The following GRIN2A variants were observed in gnomAD, a reference collection of about 807,000 sequenced individuals.
GRIN2A encodes the protein glutamate receptor ionotropic, NMDA 2A.
GRIN2A carries 22 observed loss-of-function variants against 113.4 expected under a neutral mutation model. The ratio of observed to expected loss-of-function variants is 0.19; its 90% CI spans 0.14 to 0.28. The LOEUF is 0.28. GRIN2A is among the 10% of genes least tolerant of loss of function. The probability of loss-of-function intolerance (pLI) is 1.00; values close to 1 mark genes in which losing one functional copy is unlikely to be tolerated. For missense variants in GRIN2A, 1,502 were observed against 1,887.0 expected (o/e 0.80, Z 3.78); for synonymous variants, 827 against 738.4 (o/e 1.12, Z -1.94).
chr16:9,942,334 T>C (rs1245688459), intron 2 of GRIN2A, among the ~76,000 whole-genome samples: 1 of 152,040 alleles, frequency 6.6e-6, no homozygotes, highest in East Asian at 1.9e-4. Context: ...AGCTCTAGGG[T>C]CTATTGAACC....
intron 2 of GRIN2A, among the ~76,000 whole-genome samples, chr16:10,040,282 C>T (rs2047137584): frequency 7.6e-6 from 1 of 131,728 alleles, no homozygotes; most frequent in Non-Finnish European, 1.6e-5. Context: ...TACATAAACA[C>T]ATCCACGTCA....
intron 2 of GRIN2A, among the ~76,000 whole-genome samples, chr16:10,125,141 T>C (rs1423374334): frequency 2.6e-5 from 4 of 152,210 alleles, no homozygotes; most frequent in Non-Finnish European, 5.9e-5. Context: ...TAAATCTGTC[T>C]TACAAAACCA....
intron 2 of GRIN2A, among the ~76,000 whole-genome samples, chr16:9,994,053 T>A (rs1356467377): frequency 6.6e-6 from 1 of 152,202 alleles, no homozygotes; most frequent in African/African-American, 2.4e-5. Flanking sequence ...AAGAAATCCA[T>A]CACATGGAAT....
intron 10 of GRIN2A, among the ~76,000 whole-genome samples, chr16:9,815,108 T>C (rs2042161163): frequency 6.6e-6 from 1 of 152,122 alleles, no homozygotes; most frequent in African/African-American, 2.4e-5. Context: ...TGCTCATTTG[T>C]TTTTCAATGC....
chr16:10,024,959 T>TA (rs1309290737), intron 2 of GRIN2A, among the ~76,000 whole-genome samples: 2 of 151,894 alleles, frequency 1.3e-5, no homozygotes, highest in Non-Finnish European at 2.9e-5. Flanking sequence ...ATGAATTTTT[T>TA]AAAAAAAGCA....
chr16:9,982,006 TG>T (rs1288098392), intron 2 of GRIN2A, among the ~76,000 whole-genome samples: 1 of 152,188 alleles, frequency 6.6e-6, no homozygotes. Context: ...CAGGCAGGTC[TG>T]GAACTCCTGG....
rs2141126923 is a variant in GRIN2A, at chr16:9,763,473, G to C, written c.4071C>G (p.Leu1357=). The change falls in exon 13 of 13, where the codon CTC becomes CTG. Residue 1357 remains leucine, a synonymous_variant. Transcript: ENST00000330684. ...GLEDSKRSKS[L]LPDHTSDNPF... The stretch of plus-strand genomic sequence containing the variant: ...GGTTATCGGAGGTGTGGTCTGGCAA[G>C]AGAGACTTGCTCCTCTTGCTGTCCT... 6.2e-7 allele frequency: 1 copy of C among 1,614,070 alleles called. No individual in the cohort carries two copies. The highest frequency in any genetic ancestry group is 8.5e-7 in the Non-Finnish European group (1 of 1,179,962).
chr16:9,938,541 G>C lies in GRIN2A; in HGVS notation c.425C>G (p.Ser142Cys), dbSNP rs2141633176. The change falls in exon 3 of 13, where the codon TCT becomes TGT. Residue 142 changes from serine (S) to cysteine (C), a missense_variant. Physicochemically the swap from Ser to Cys is moderately radical, Grantham distance 112. Around this residue, in one of 7 missense-constraint regions of GRIN2A, gnomAD observed 334 missense variants for 403.0 expected, o/e 0.83. Coordinates refer to ENST00000330684, the MANE Select transcript of GRIN2A (RefSeq NM_001134407.3). ...SMIMADKDPTSTFFQFGASIQ... is the reference protein window; with the variant it reads ...SMIMADKDPTCTFFQFGASIQ... ...GGACGCTCCAAACTGGAAGAAGGTA[G>C]ACGTCGGATCCTGCCAGTGAAAAGA... 6.2e-7 allele frequency: 1 copy of C among 1,604,380 alleles called. No homozygotes were observed. The highest frequency in any genetic ancestry group is 8.5e-7 in the Non-Finnish European group (1 of 1,179,756).
chr16:9,823,962 G>C (rs1305745344), intron 9 of GRIN2A, among the ~76,000 whole-genome samples: 4 of 152,182 alleles, frequency 2.6e-5, no homozygotes, highest in Non-Finnish European at 4.4e-5. Context: ...CCAACTTCCA[G>C]ACCAGTGTGT....
At chr16:10,139,775 G>T (rs73514640) in intron 2 of GRIN2A, among the ~76,000 whole-genome samples, 3,617 of 152,274 alleles carry the variant, frequency 0.024, 137 homozygotes, top group African/African-American at 0.083. Flanking sequence ...ACACTGATTT[G>T]GTCTGTATCA....
At chr16:10,155,028 C>T (rs185521568) in intron 2 of GRIN2A, among the ~76,000 whole-genome samples, 3 of 152,288 alleles carry the variant, frequency 2.0e-5, no homozygotes, top group East Asian at 3.9e-4. Flanking sequence ...CTTCTCAGAG[C>T]TTTGAAGAGG....
chr16:10,149,694 G>A (rs1303871045), intron 2 of GRIN2A, among the ~76,000 whole-genome samples: 1 of 152,068 alleles, frequency 6.6e-6, no homozygotes, highest in Admixed American at 6.6e-5. Flanking sequence ...TCTCCACCTG[G>A]ATTATTGTAA....
At chr16:9,951,867 C>T (rs1278977220) in intron 2 of GRIN2A, among the ~76,000 whole-genome samples, 1 of 152,128 alleles carries the variant, frequency 6.6e-6, no homozygotes. Context: ...CCAAGTCAGC[C>T]CATGTGTTCT....
intron 2 of GRIN2A, among the ~76,000 whole-genome samples, chr16:10,071,694 G>A (rs2047753031): frequency 6.6e-6 from 1 of 152,158 alleles, no homozygotes. Context: ...GTACTCTTGA[G>A]AGCATTTTGG....
chr16:10,072,053 A>G (rs967334727), intron 2 of GRIN2A, among the ~76,000 whole-genome samples: 6 of 152,208 alleles, frequency 3.9e-5, no homozygotes, highest in African/African-American at 1.4e-4. Flanking sequence ...CCTTGGTACC[A>G]TAGGTTCATG....
At chr16:10,126,723 G>C (rs2048945763) in intron 2 of GRIN2A, among the ~76,000 whole-genome samples, 1 of 152,050 alleles carries the variant, frequency 6.6e-6, no homozygotes, top group Non-Finnish European at 1.5e-5. Flanking sequence ...GTTATTGCTG[G>C]AACTCCCTGA....
chr16:10,107,414 A>C (rs1342134397), intron 2 of GRIN2A, among the ~76,000 whole-genome samples: 5 of 152,216 alleles, frequency 3.3e-5, no homozygotes, highest in African/African-American at 9.6e-5. Context: ...AACTGCCCTG[A>C]GCTGACTTTA....
At chr16:10,096,539 A>AACAC (rs59351819) in intron 2 of GRIN2A, among the ~76,000 whole-genome samples, 4,273 of 137,718 alleles carry the variant, frequency 0.031, 122 homozygotes, top group African/African-American at 0.07. Flanking sequence ...ATTGTGGTAA[A>AACAC]ACACACACAC....
chr16:9,848,748 AT>A (rs35039158), intron 5 of GRIN2A, among the ~76,000 whole-genome samples: 1 of 64,700 alleles, frequency 1.5e-5, no homozygotes, highest in Non-Finnish European at 2.8e-5. Context: ...GTTTTATAAT[AT>A]TTTAAATATA....
Sources: gnomAD v4.1 joint callset for allele counts (sites outside exome capture counted in the v4.1 genomes callset) on GRCh38, gnomAD v4.1.1 for gene constraint, gnomAD v4.1.1 regional missense constraint, MANE v1.5 for transcripts, NCBI Gene and HGNC (gene_info 2026-07-23, HGNC 2026-07-21) for gene names.